Variants in RNF169 observed in about 807,000 individuals in gnomAD.
RNF169 encodes the protein ring finger protein 169.
RNF169 carries 24 observed loss-of-function variants against 53.9 expected under a neutral mutation model. That is an observed-to-expected ratio of 0.45 (90% confidence interval 0.32 to 0.63). RNF169 has a LOEUF of 0.63. Among genes scored for constraint, RNF169 ranks in the 20% least tolerant of loss-of-function variants. The pLI is 0.04. For missense variants in RNF169, 883 were observed against 906.2 expected (o/e 0.97, Z 0.33); for synonymous variants, 396 against 363.5 (o/e 1.09, Z -1.02).
chr11:74,819,068 GT>G (rs796433705), intron 4 of RNF169, among the ~76,000 whole-genome samples: 150 of 141,438 alleles, frequency 1.1e-3, no homozygotes, highest in East Asian at 3.1e-3. Context: ...CTTCTTTCCA[GT>G]TTTTTTTTTT....
chr11:74,804,639 T>C lies in RNF169; in HGVS notation c.577-5545T>C, dbSNP rs537857690. 3.3e-5 allele frequency among the ~76,000 whole-genome samples: 5 copies of C among 152,296 alleles called. No individual in the cohort carries two copies. The South Asian group carries it at 1.0e-3, about 32-fold the overall frequency. ...TCTCATTTATCTCAGTGTTTAATAT[T>C]AGAAGTAGTTGGGTCTTTATTTAGA... On this transcript the variant is annotated intron_variant, in intron 2 of 5. Transcript: ENST00000299563.
At chr11:74,781,953 G>A (rs1565175646) in intron 1 of RNF169, among the ~76,000 whole-genome samples, 1 of 152,166 alleles carries the variant, frequency 6.6e-6, no homozygotes, top group Non-Finnish European at 1.5e-5. Flanking sequence ...ATAGAAGTGG[G>A]CCTGGCATGC....
chr11:74,772,059 G>GAA, intron 1 of RNF169, among the ~76,000 whole-genome samples: 1 of 152,286 alleles, frequency 6.6e-6, no homozygotes, highest in African/African-American at 2.4e-5. Flanking sequence ...CAGCATTGTG[G>GAA]AAAATGCTTT....
chr11:74,758,711 A>G (rs887747809), intron 1 of RNF169, among the ~76,000 whole-genome samples: 4 of 151,980 alleles, frequency 2.6e-5, no homozygotes, highest in Non-Finnish European at 5.9e-5. Context: ...TCACTGTTTT[A>G]GCGGGGATGG....
At chr11:74,809,987 T>C (rs765882963) in intron 2 of RNF169, among the ~76,000 whole-genome samples, 197 bp from the exon 3 acceptor site, 3 of 152,244 alleles carry the variant, frequency 2.0e-5, no homozygotes, top group Non-Finnish European at 4.4e-5. Context: ...GTTAAATCTT[T>C]AGCCCTGAAG....
At chr11:74,773,364 T>C (rs1274964987) in intron 1 of RNF169, among the ~76,000 whole-genome samples, 1 of 152,358 alleles carries the variant, frequency 6.6e-6, no homozygotes, top group South Asian at 2.1e-4. Flanking sequence ...TGCATTTCTT[T>C]CTCTAATACC....
intron 2 of RNF169, among the ~76,000 whole-genome samples, chr11:74,797,184 G>A (rs1166843583): frequency 1.3e-5 from 2 of 152,042 alleles, no homozygotes; most frequent in African/African-American, 4.8e-5. Context: ...ACTTGTGAAG[G>A]GATATTTTAA....
chr11:74,803,558 C>T (rs61894779), intron 2 of RNF169, among the ~76,000 whole-genome samples: 38,335 of 152,102 alleles, frequency 0.25, 5,753 homozygotes, highest in East Asian at 0.54. Context: ...AATATACACT[C>T]TGGAGTAGTT....
At chr11:74,795,045 A>G (rs896387527) in intron 2 of RNF169, among the ~76,000 whole-genome samples, 13 of 152,002 alleles carry the variant, frequency 8.6e-5, no homozygotes, top group East Asian at 1.9e-4. Context: ...GGCTCAAACA[A>G]TCCTCCTGCC....
At chr11:74,760,617 G>A (rs1261859128) in intron 1 of RNF169, among the ~76,000 whole-genome samples, 6 of 151,144 alleles carry the variant, frequency 4.0e-5, no homozygotes, top group Non-Finnish European at 5.9e-5. Context: ...GTAGTTGAGC[G>A]GCTTTGAGTG....
intron 2 of RNF169, among the ~76,000 whole-genome samples, chr11:74,803,825 A>G (rs2035767472): frequency 6.6e-6 from 1 of 152,224 alleles, no homozygotes; most frequent in Non-Finnish European, 1.5e-5. Context: ...AAATATTAAT[A>G]ATTTTTCATG....
rs1011906241 is a variant in RNF169 at position 74,838,850 on chromosome 11, G to A, written c.*2120G>A. 12 of 152,038 alleles carry A rather than the reference G, an allele frequency of 7.9e-5. No homozygotes were observed. The East Asian group carries it at 1.5e-3, about 20-fold the overall frequency. The allele number at this position is 152,038 out of a possible 1,614,324, so 9.4% of individuals were successfully genotyped here. A position where few individuals can be genotyped will look rare whatever the true frequency, so the allele number is the denominator to read the frequency against. On this transcript the variant is annotated 3_prime_UTR_variant, in exon 6 of 6. Coordinates refer to ENST00000299563, the MANE Select transcript of RNF169 (RefSeq NM_001098638.2). ...AACTTATCAGTTACTGCCATTTCAC[G>A]CATTTCCTTTTTGATCTTAGTAAAT... is the stretch of plus-strand genomic sequence containing the variant.
chr11:74,802,411 C>T (rs1013577846), intron 2 of RNF169, among the ~76,000 whole-genome samples: 3 of 152,080 alleles, frequency 2.0e-5, no homozygotes, highest in Non-Finnish European at 4.4e-5. Flanking sequence ...TTTGGGAGGC[C>T]GAGGCAAGCG....
chr11:74,774,678 G>A (rs1454564289), intron 1 of RNF169, among the ~76,000 whole-genome samples: 2 of 152,128 alleles, frequency 1.3e-5, no homozygotes, highest in African/African-American at 4.8e-5. Flanking sequence ...AGCAAGGCCG[G>A]GTGTAGTGGC....
chr11:74,765,243 A>G (rs2035154241), intron 1 of RNF169, among the ~76,000 whole-genome samples: 2 of 152,048 alleles, frequency 1.3e-5, no homozygotes, highest in South Asian at 4.1e-4. Context: ...GAAATACAAT[A>G]TATAACTTGA....
At chr11:74,819,315 C>T (rs1017535248) in intron 4 of RNF169, among the ~76,000 whole-genome samples, 1 of 152,166 alleles carries the variant, frequency 6.6e-6, no homozygotes, top group African/African-American at 2.4e-5. Flanking sequence ...AGAGAGAGAA[C>T]ATGGCTTGCC....
At chr11:74,761,663 G>T (rs2135312508) in intron 1 of RNF169, among the ~76,000 whole-genome samples, 1 of 152,270 alleles carries the variant, frequency 6.6e-6, no homozygotes, top group South Asian at 2.1e-4. Flanking sequence ...GGCTTGTAGG[G>T]TTTCTGCCGA....
chr11:74,781,690 C>T (rs2035418772), intron 1 of RNF169, among the ~76,000 whole-genome samples: 1 of 152,204 alleles, frequency 6.6e-6, no homozygotes, highest in Non-Finnish European at 1.5e-5. Flanking sequence ...TATGAACTGC[C>T]TATGCATGTC....
At chr11:74,751,467 A>G (rs1368466909) in intron 1 of RNF169, among the ~76,000 whole-genome samples, 3 of 152,174 alleles carry the variant, frequency 2.0e-5, no homozygotes, top group Non-Finnish European at 4.4e-5. Context: ...TAGGATAGAA[A>G]TTTTCATTTT....
Sources: allele counts gnomAD v4.1 joint callset (sites outside exome capture counted in the v4.1 genomes callset), GRCh38; gene constraint gnomAD v4.1.1; transcripts MANE v1.5; gene names NCBI Gene and HGNC (gene_info 2026-07-23, HGNC 2026-07-21).